Variants in CWC25 observed in about 807,000 individuals in gnomAD.
CWC25 encodes the protein CWC25 spliceosome associated protein.
In CWC25, 31 loss-of-function variants were observed where a neutral mutation model predicts 54.6. The ratio of observed to expected loss-of-function variants is 0.57; its 90% CI spans 0.43 to 0.77. CWC25 has a LOEUF of 0.77. CWC25 is among the 30% of genes least tolerant of loss of function. The probability of loss-of-function intolerance (pLI) is 0.00; values close to 1 mark genes in which losing one functional copy is unlikely to be tolerated. For missense variants in CWC25, 453 were observed against 529.3 expected, an observed-to-expected ratio of 0.86 and a Z score of 1.41; for synonymous variants, 151 against 187.0, an observed-to-expected ratio of 0.81 and a Z score of 1.57.
chr17:38,822,777 T>A lies in CWC25; in HGVS notation c.19-1704A>T, dbSNP rs895836035. On this transcript the variant is annotated intron_variant, in intron 1 of 9. Transcript: ENST00000614790. Reference sequence around the variant, plus strand: ...TGCAGGGACGCAAGAAGAAGCCAAGTGAGAAAGGAGCAGAATAAGGGCCTT... The same window carrying A: ...TGCAGGGACGCAAGAAGAAGCCAAGAGAGAAAGGAGCAGAATAAGGGCCTT... Among the ~76,000 whole-genome samples the A allele has an allele frequency of 2.7e-5, 4 of 150,524 alleles. No homozygotes were observed. In the South Asian group the frequency reaches 8.4e-4, roughly 32 times the overall value.
chr17:38,809,792 T>C, intron 5 of CWC25, 27 bp from the exon 6 acceptor site: 2 of 1,602,212 alleles, frequency 1.2e-6, no homozygotes, highest in Non-Finnish European at 1.7e-6. Flanking sequence ...CACACACTCA[T>C]TGAAAAAGAA....
In CWC25 at chr17:38,802,074, TAA is replaced by T; in HGVS notation, c.*16_*17del. On this transcript the variant is annotated 3_prime_UTR_variant, in exon 10 of 10. Transcript: ENST00000614790. ...TCCCTGGAAAATGCAGGAAAACCAA[TAA>T]GAGAGGGGACAGTTTTCATCTTTTC... 6.6e-7 allele frequency: 1 copy of T among 1,510,394 alleles called. No individual in the cohort carries two copies. The highest frequency in any genetic ancestry group is 1.1e-5 in the South Asian group (1 of 88,202). 93.6% of individuals were successfully genotyped at this position (1,510,394 alleles called of 1,614,324 possible).
At chr17:38,820,640 G>A (rs1453345747) in intron 2 of CWC25, among the ~76,000 whole-genome samples, 1 of 152,144 alleles carries the variant, frequency 6.6e-6, no homozygotes, top group African/African-American at 2.4e-5. Flanking sequence ...AAGTCCTTAC[G>A]TGTTATCTCA....
At position 38,802,771 on chromosome 17, in the gene CWC25, C is replaced by G. The variant is rs753384845; in HGVS notation, c.1092G>C (p.Lys364Asn). 3 of 1,614,016 alleles carry G rather than the reference C, an allele frequency of 1.9e-6. No homozygotes were observed. The highest frequency in any genetic ancestry group is 2.2e-5 in the South Asian group (2 of 91,084). ...CCCGTTCCTCATCCTTAGCATGCCT[C>G]TTGAGGATGTTCAGTCTCTCCTCCT... ...WREEERLNIL[K>N]RHAKDEEREQ... The change falls in exon 9 of 10, where the codon AAG (lysine) becomes AAC (asparagine). Residue 364 changes from lysine (K) to asparagine (N), a missense_variant. Lys to Asn is a moderately conservative substitution (Grantham distance 94). Transcript: ENST00000614790.
Position 38,800,629 on chromosome 17 carries a change from A to G in CWC25, c.*1463T>C, listed in dbSNP as rs1406552723. On this transcript the variant is annotated 3_prime_UTR_variant, in exon 10 of 10. Transcript: ENST00000614790. ...AAAACAGAAATCCAAATACATTTTA[A>G]GCAGAATTAGGAATTAGCAGAACAA... 6.6e-6 allele frequency: 1 copy of G among 152,222 alleles called. No homozygotes were observed. Among genetic ancestry groups the G allele is most frequent in the East Asian group, 1.9e-4 (1 of 5,202 alleles). The allele number at this position is 152,222 out of a possible 1,614,324, so 9.4% of individuals were successfully genotyped here.
At chr17:38,802,676 C>G in intron 9 of CWC25, 24 bp downstream of exon 9, 1 of 1,612,924 alleles carries the variant, frequency 6.2e-7, no homozygotes, top group Non-Finnish European at 8.5e-7. Flanking sequence ...ATGAAAGACC[C>G]TGGCAGGAAG....
rs745969418 is a variant in CWC25, at chr17:38,812,873, A to C, written c.429-9T>G. The C allele has an allele frequency of 7.0e-7, 1 of 1,430,600 alleles. No homozygotes were observed. Among genetic ancestry groups the C allele is most frequent in the Non-Finnish European group, 9.6e-7 (1 of 1,040,308 alleles). The allele number at this position is 1,430,600 out of a possible 1,614,324, so 88.6% of individuals were successfully genotyped here. On this transcript the variant is annotated splice_polypyrimidine_tract_variant and intron_variant, in intron 3 of 9. Transcript: ENST00000614790. ...TCTCCTCCTCCTTCTTCCTAAAGAG[A>C]GATAATTACAAAATTCATGACTATT...
At chr17:38,817,775 G>A (rs1316804741) in intron 2 of CWC25, among the ~76,000 whole-genome samples, 1 of 151,140 alleles carries the variant, frequency 6.6e-6, no homozygotes, top group Non-Finnish European at 1.5e-5. Context: ...GACAGAGCGA[G>A]ACTCTGTCAC....
chr17:38,810,341 A>T (rs1419271156), intron 5 of CWC25, 127 bp downstream of exon 5: 1 of 979,362 alleles, frequency 1.0e-6, no homozygotes, highest in Admixed American at 3.1e-5. Context: ...CCCATGTTCA[A>T]GTGTTCATCA....
intron 9 of CWC25, 108 bp downstream of exon 9, chr17:38,802,592 G>A (rs1911070148): frequency 1.6e-6 from 2 of 1,288,944 alleles, no homozygotes; most frequent in East Asian, 2.4e-5. Context: ...TGGTCTGAAG[G>A]CTGGGCTCCA....
intron 3 of CWC25, among the ~76,000 whole-genome samples, chr17:38,814,234 T>C (rs1176027987): frequency 6.6e-6 from 1 of 152,058 alleles, no homozygotes; most frequent in Non-Finnish European, 1.5e-5. Context: ...GCTGTGGTGA[T>C]GGTTGCACAA....
At chr17:38,802,941 T>A in intron 8 of CWC25, 80 bp from the exon 9 acceptor site, 1 of 1,550,320 alleles carries the variant, frequency 6.5e-7, no homozygotes, top group Non-Finnish European at 8.8e-7. Flanking sequence ...AGAAGCCAGG[T>A]GGGACCCCAA....
chr17:38,812,556 G>A (rs533207464), intron 4 of CWC25, among the ~76,000 whole-genome samples: 19 of 152,286 alleles, frequency 1.2e-4, no homozygotes, highest in African/African-American at 4.3e-4. Context: ...GAACCTGGGA[G>A]GCGGAGGTTG....
intron 5 of CWC25, 88 bp from the exon 6 acceptor site, chr17:38,809,853 C>T (rs2143563157): frequency 8.0e-7 from 1 of 1,248,038 alleles, no homozygotes; most frequent in Non-Finnish European, 1.1e-6. Context: ...TGCTTCTTGC[C>T]TCCAATGTGA....
intron 1 of CWC25, among the ~76,000 whole-genome samples, chr17:38,824,262 G>A (rs969872264): frequency 6.6e-6 from 1 of 152,136 alleles, no homozygotes; most frequent in African/African-American, 2.4e-5. Context: ...TTCAGTTTAA[G>A]AGACATTGCC....
intron 3 of CWC25, among the ~76,000 whole-genome samples, chr17:38,814,474 C>T (rs1336763963): frequency 6.6e-6 from 1 of 151,034 alleles, no homozygotes; most frequent in East Asian, 2.0e-4. Flanking sequence ...GGCGTGGTGG[C>T]TCACGCCTGT....
chr17:38,811,033 C>T (rs1283875758), intron 4 of CWC25, among the ~76,000 whole-genome samples: 1 of 150,652 alleles, frequency 6.6e-6, no homozygotes, highest in East Asian at 2.0e-4. Context: ...GAGTTCGAGA[C>T]CACCCTGGCC....
intron 2 of CWC25, chr17:38,815,714 T>C (rs1911669167): frequency 7.9e-7 from 1 of 1,266,614 alleles, no homozygotes; most frequent in African/African-American, 1.5e-5. Flanking sequence ...ACAGAGTCTT[T>C]ATATTATGCT....
chr17:38,811,540 CAAAAA>C (rs11387199), intron 4 of CWC25, among the ~76,000 whole-genome samples: 1 of 53,360 alleles, frequency 1.9e-5, no homozygotes. Flanking sequence ...GACTCCGTCT[CAAAAA>C]AAAAAAAAAA....
Sources: allele counts gnomAD v4.1 joint callset (sites outside exome capture counted in the v4.1 genomes callset), GRCh38; gene constraint gnomAD v4.1.1; transcripts MANE v1.5; gene names NCBI Gene and HGNC (gene_info 2026-07-23, HGNC 2026-07-21).